Variants in MAP3K19 observed in about 807,000 individuals in gnomAD.
MAP3K19 encodes the protein SPS1/STE20-related protein kinase YSK4.
A neutral mutation model predicts 114.4 loss-of-function variants in MAP3K19; 91 were observed. That is an observed-to-expected ratio of 0.80 (90% confidence interval 0.67 to 0.95). MAP3K19 has a LOEUF of 0.95. Among genes scored for constraint, MAP3K19 ranks in the 40% least tolerant of loss-of-function variants. The pLI is 0.00. For missense variants in MAP3K19, 1,471 were observed against 1,573.2 expected, an observed-to-expected ratio of 0.94 and a Z score of 1.10; for synonymous variants, 518 against 530.5, an observed-to-expected ratio of 0.98 and a Z score of 0.32.
intron 6 of MAP3K19, among the ~76,000 whole-genome samples, chr2:135,002,910 T>A (rs1158293949): frequency 6.6e-6 from 1 of 152,148 alleles, no homozygotes; most frequent in Non-Finnish European, 1.5e-5. Flanking sequence ...ATGTTCTGAA[T>A]GTTTGTGTCC....
chr2:134,976,919 C>T (rs1020341328), intron 12 of MAP3K19, among the ~76,000 whole-genome samples: 8 of 151,548 alleles, frequency 5.3e-5, no homozygotes, highest in Admixed American at 2.0e-4. Flanking sequence ...CAGTGGCAGG[C>T]GCCTGTAGTC....
At chr2:135,022,151 A>C (rs550794950) in intron 4 of MAP3K19, among the ~76,000 whole-genome samples, 1 of 152,188 alleles carries the variant, frequency 6.6e-6, no homozygotes, top group African/African-American at 2.4e-5. Context: ...TGAATCGATC[A>C]TCCTATCTGA....
At position 134,985,900 on chromosome 2, in the gene MAP3K19, A is replaced by G. The variant is rs1685058107; in HGVS notation, c.2972T>C (p.Met991Thr). 6.2e-7 allele frequency: 1 copy of G among 1,613,962 alleles called. No homozygotes were observed. ...DEKDNNSCQK[M>T]ANETDPENLN... ...GTTTTCAGGATCTGTTTCATTTGCCATTTTTTGGCAAGAGTTGTTATCTTT... is the reference window on the plus strand; with the variant it reads ...GTTTTCAGGATCTGTTTCATTTGCCGTTTTTTGGCAAGAGTTGTTATCTTT... The change falls in exon 10 of 13, where the codon ATG becomes ACG. Residue 991 changes from methionine to threonine, a missense_variant. Physicochemically the swap from Met to Thr is moderately conservative, Grantham distance 81 (BLOSUM62 -1). Coordinates refer to ENST00000392915, the MANE Select transcript of MAP3K19 (RefSeq NM_025052.5).
chr2:134,998,314 G>A (rs964941489), intron 8 of MAP3K19, among the ~76,000 whole-genome samples: 4 of 152,114 alleles, frequency 2.6e-5, no homozygotes, highest in Non-Finnish European at 4.4e-5. Flanking sequence ...TCACAATGAA[G>A]ATTTTCAAAC....
rs35382282 is a variant in MAP3K19 at position 134,990,082 on chromosome 2, C to CAA, written c.618+1453_618+1454dup. ...TGGGCAACAGAGTGAGACTCTGTCT[C>CAA]AAAAAAAAAAAAATGTCTAAGGGAG... On this transcript the variant is annotated intron_variant, in intron 9 of 12. Transcript: ENST00000392915. Among the ~76,000 whole-genome samples the CAA allele has an allele frequency of 3.1e-3, 422 of 134,812 alleles. 2 individuals carry two copies. The highest frequency in any genetic ancestry group is 0.011 in the African/African-American group (397 of 36,962). 88.4% of individuals were successfully genotyped at this position (134,812 alleles called of 152,430 possible).
intron 5 of MAP3K19, among the ~76,000 whole-genome samples, chr2:135,012,127 A>G (rs1687275674): frequency 6.6e-6 from 1 of 152,192 alleles, no homozygotes; most frequent in Non-Finnish European, 1.5e-5. Context: ...TTGTGACAAC[A>G]TGTAGCAAAT....
In MAP3K19 at chr2:135,021,697, T is replaced by A. The variant is rs778835080; in HGVS notation, c.138+18A>T. 12 of 1,482,182 alleles carry A rather than the reference T, an allele frequency of 8.1e-6. No homozygotes were observed. The Admixed American group carries it at 1.8e-4, about 22-fold the overall frequency. The allele number at this position is 1,482,182 out of a possible 1,614,324, so 91.8% of individuals were successfully genotyped here. On this transcript the variant is annotated intron_variant, in intron 5 of 12. Transcript: ENST00000392915. ...ATGGAGTAGGCTGTCCGTTGTTTCTTTAAAGGGAGGCTCTTACCTCACTTC... is the reference window on the plus strand; with the variant it reads ...ATGGAGTAGGCTGTCCGTTGTTTCTATAAAGGGAGGCTCTTACCTCACTTC...
chr2:135,002,562 C>T (rs1396556367), intron 6 of MAP3K19, among the ~76,000 whole-genome samples: 1 of 151,616 alleles, frequency 6.6e-6, no homozygotes, highest in African/African-American at 2.4e-5. Context: ...TATTTTGATG[C>T]CATCTTCACA....
chr2:135,025,531 G>T (rs1363124768), intron 3 of MAP3K19, among the ~76,000 whole-genome samples: 1 of 151,802 alleles, frequency 6.6e-6, no homozygotes, highest in African/African-American at 2.4e-5. Flanking sequence ...GACTACAGGG[G>T]CCCGCCACCA....
intron 1 of MAP3K19, among the ~76,000 whole-genome samples, chr2:135,043,248 C>T (rs186027240): frequency 1.3e-5 from 2 of 152,254 alleles, no homozygotes; most frequent in East Asian, 3.9e-4. Context: ...ATGAGGTCAG[C>T]AGCAGAGCCA....
chr2:134,990,899 C>T (rs1268035437), intron 9 of MAP3K19, among the ~76,000 whole-genome samples: 1 of 152,136 alleles, frequency 6.6e-6, no homozygotes, highest in Non-Finnish European at 1.5e-5. Flanking sequence ...CTCTGGTCAA[C>T]AGTAGGCTAC....
At chr2:134,976,524 T>C (rs1252101834) in intron 12 of MAP3K19, among the ~76,000 whole-genome samples, 1 of 152,146 alleles carries the variant, frequency 6.6e-6, no homozygotes, top group Non-Finnish European at 1.5e-5. Context: ...TCCAGTGTTC[T>C]CTCTCAGATG....
chr2:135,011,670 T>G (rs114322716), intron 5 of MAP3K19, among the ~76,000 whole-genome samples: 350 of 142,028 alleles, frequency 2.5e-3, no homozygotes, highest in African/African-American at 9.9e-3. Flanking sequence ...TTTGATGTTG[T>G]TTGTTTGTTT....
chr2:134,985,223 G>A (rs1253338072), intron 10 of MAP3K19, among the ~76,000 whole-genome samples: 3 of 152,220 alleles, frequency 2.0e-5, no homozygotes, highest in South Asian at 4.1e-4. Flanking sequence ...AGCAATGGCC[G>A]AGTCTTGTAC....
intron 12 of MAP3K19, among the ~76,000 whole-genome samples, chr2:134,969,379 C>CGAGAGG (rs1683703149): frequency 6.6e-6 from 1 of 150,624 alleles, no homozygotes; most frequent in African/African-American, 2.4e-5. Flanking sequence ...GAGAGGGAGA[C>CGAGAGG]GAGAGGGAGA....
In MAP3K19 at chr2:135,046,363, C is replaced by T. The variant is rs558390104; in HGVS notation, c.-424+822G>A. On this transcript the variant is annotated intron_variant, in intron 1 of 12. Transcript: ENST00000392915. Reference sequence around the variant, plus strand: ...CACAATCTCGGTTCACTGCAACCTCCGCCTCCTAGGTTCAAACAATTCTCC... The same window carrying T: ...CACAATCTCGGTTCACTGCAACCTCTGCCTCCTAGGTTCAAACAATTCTCC... Among the ~76,000 whole-genome samples the T allele has an allele frequency of 3.4e-4, 51 of 152,182 alleles. 1 individual carries two copies. The highest frequency in any genetic ancestry group is 1.1e-3 in the African/African-American group (47 of 41,544).
chr2:135,031,161 A>T (rs987231206), intron 2 of MAP3K19, among the ~76,000 whole-genome samples: 15 of 149,998 alleles, frequency 1.0e-4, no homozygotes, highest in Admixed American at 4.0e-4. Flanking sequence ...ACATATTTAA[A>T]AAAAAAAAAA....
rs565352343 is a variant in MAP3K19, at chr2:135,022,267, G to A, written c.23-437C>T. ...TCACTTCATACTTAATGTCTACGTCGTCATTGCAAAACCCTCTGTAGGGTG... is the reference window on the plus strand; with the variant it reads ...TCACTTCATACTTAATGTCTACGTCATCATTGCAAAACCCTCTGTAGGGTG... On this transcript the variant is annotated intron_variant, in intron 4 of 12. Transcript: ENST00000392915. Among the ~76,000 whole-genome samples the A allele has an allele frequency of 2.9e-4, 44 of 152,206 alleles. 1 individual carries two copies. The highest frequency in any genetic ancestry group is 3.4e-3 in the Middle Eastern group (1 of 294).
intron 5 of MAP3K19, among the ~76,000 whole-genome samples, chr2:135,020,330 A>G (rs1687882193): frequency 6.6e-6 from 1 of 151,912 alleles, no homozygotes; most frequent in South Asian, 2.1e-4. Flanking sequence ...TTTCTTTTTT[A>G]AAAAATTGAG....
Sources: gnomAD v4.1 joint callset for allele counts (sites outside exome capture counted in the v4.1 genomes callset) on GRCh38, gnomAD v4.1.1 for gene constraint, MANE v1.5 for transcripts, NCBI Gene and HGNC (gene_info 2026-07-23, HGNC 2026-07-21) for gene names.